The following LRRC53 variants were observed in gnomAD, a reference collection of about 807,000 sequenced individuals.
The protein encoded by LRRC53 is leucine-rich repeat-containing protein 53.
A neutral mutation model predicts 13.6 loss-of-function variants in LRRC53; 25 were observed. The observed-to-expected ratio is 1.83, with a 90% confidence interval of 1.34 to 2.56. The LOEUF (loss-of-function observed/expected upper bound fraction) is 2.56. LRRC53 is among the 30% of genes most tolerant of loss of function. LRRC53 has a pLI of 0.00. For synonymous variants in LRRC53, 204 were observed against 109.8 expected, an observed-to-expected ratio of 1.86 and a Z score of -5.37; for missense variants, 527 against 275.8, an observed-to-expected ratio of 1.91 and a Z score of -6.45.
At chr1:74,476,792 T>C (rs1300687519) in intron 3 of LRRC53, among the ~76,000 whole-genome samples, 2 of 152,160 alleles carry the variant, frequency 1.3e-5, no homozygotes, top group African/African-American at 4.8e-5. Flanking sequence ...GGCTACACCA[T>C]GTCTAGTTTT....
chr1:74,477,648 G>A (rs891775704), intron 3 of LRRC53, among the ~76,000 whole-genome samples: 3 of 152,160 alleles, frequency 2.0e-5, no homozygotes, highest in Non-Finnish European at 4.4e-5. Flanking sequence ...AATTGTGTCT[G>A]AATGGCAGGG....
chr1:74,473,128 T>A (rs950559012), intron 4 of LRRC53, among the ~76,000 whole-genome samples: 4 of 152,146 alleles, frequency 2.6e-5, no homozygotes, highest in African/African-American at 9.7e-5. Context: ...ATACCATTAA[T>A]TGAGCACATG....
chr1:74,486,702 T>C (rs1269744510), intron 1 of LRRC53, among the ~76,000 whole-genome samples: 1 of 151,646 alleles, frequency 6.6e-6, no homozygotes, highest in African/African-American at 2.4e-5. Context: ...TTTTAAAGGG[T>C]AAAGAGACTC....
intron 3 of LRRC53, among the ~76,000 whole-genome samples, chr1:74,476,759 A>G (rs1364161072): frequency 6.6e-6 from 1 of 152,170 alleles, no homozygotes; most frequent in Non-Finnish European, 1.5e-5. Flanking sequence ...GGAAATAAAG[A>G]CAGCATTCCA....
rs769499374 is a variant in LRRC53, at chr1:74,489,197, C to T, written c.-26-5822G>A. 86 of 1,610,164 alleles carry T rather than the reference C, an allele frequency of 5.3e-5. No individual in the cohort carries two copies. The highest frequency in any genetic ancestry group is 6.5e-5 in the Non-Finnish European group (77 of 1,178,342). Reference sequence around the variant, plus strand: ...CTTTTTTCTATTTACAGGGAAGACCCGAATTTTCTGAAGTTGTCATGAAGT... The same window carrying T: ...CTTTTTTCTATTTACAGGGAAGACCTGAATTTTCTGAAGTTGTCATGAAGT... On this transcript the variant is annotated intron_variant, in intron 1 of 4. Transcript: ENST00000294635.
chr1:74,507,256 T>A (rs1669955815), intron 1 of LRRC53, among the ~76,000 whole-genome samples: 1 of 126,130 alleles, frequency 7.9e-6, no homozygotes, highest in African/African-American at 2.8e-5. Flanking sequence ...CAAAAATACA[T>A]AAAGGATTCA....
chr1:74,498,466 CTCT>C (rs1219117512), intron 1 of LRRC53, among the ~76,000 whole-genome samples: 1 of 152,094 alleles, frequency 6.6e-6, no homozygotes, highest in African/African-American at 2.4e-5. Flanking sequence ...AACAGAAATT[CTCT>C]TCTTTTTTGT....
At chr1:74,534,724 T>A in the LRRC53 span, among the ~76,000 whole-genome samples, 1 of 120,206 alleles carries the variant, frequency 8.3e-6, no homozygotes, top group African/African-American at 2.5e-5. Flanking sequence ...ATGAATATTC[T>A]ACAGATTTCT....
At chr1:74,535,797 G>A in the LRRC53 span, among the ~76,000 whole-genome samples, 3 of 152,232 alleles carry the variant, frequency 2.0e-5, no homozygotes, top group South Asian at 4.1e-4. Context: ...GTCAGTTGTC[G>A]ATATTCAGTC....
Position 74,480,653 on chromosome 1 carries a change from C to A in LRRC53, c.404G>T (p.Arg135Leu), listed in dbSNP as rs879127983. The stretch of plus-strand genomic sequence containing the variant: ...AATCTGATTCCCATCCAGCTGGAGC[C>A]GGGTCAGGCCGCTTGTGTTTCGGAA... ...SWFRNTSGLT[R>L]LQLDGNQITN... is the part of the protein sequence containing the mutation. The change falls in exon 3 of 5, where the codon CGG becomes CTG. Residue 135 changes from arginine (R) to leucine (L), a missense_variant. Coordinates refer to ENST00000294635, the MANE Select transcript of LRRC53 (RefSeq NM_001382280.1). 2 of 717,256 alleles carry A rather than the reference C, an allele frequency of 2.8e-6. No individual in the cohort carries two copies. The highest frequency in any genetic ancestry group is 3.0e-5 in the South Asian group (2 of 67,586). 44.4% of individuals were successfully genotyped at this position (717,256 alleles called of 1,614,324 possible). A position where few individuals can be genotyped will look rare whatever the true frequency, so the allele number is the denominator to read the frequency against.
chr1:74,479,885 C>T (rs910201745), intron 3 of LRRC53, among the ~76,000 whole-genome samples: 1 of 152,216 alleles, frequency 6.6e-6, no homozygotes, highest in Non-Finnish European at 1.5e-5. Flanking sequence ...AGCAGGTTAA[C>T]CTGTTCAAGG....
chr1:74,510,733 G>T (rs184131131), intron 1 of LRRC53, among the ~76,000 whole-genome samples: 2 of 152,298 alleles, frequency 1.3e-5, no homozygotes, highest in Non-Finnish European at 2.9e-5. Flanking sequence ...AATATGGCTA[G>T]CATTGAAAAG....
chr1:74,488,374 G>T (rs2100289535), intron 1 of LRRC53, among the ~76,000 whole-genome samples: 1 of 152,260 alleles, frequency 6.6e-6, no homozygotes, highest in South Asian at 2.1e-4. Context: ...GGGAGAAATT[G>T]TTCTACTAAG....
At chr1:74,475,116 C>CACACACACACACA (rs1668125578) in intron 4 of LRRC53, among the ~76,000 whole-genome samples, 179 bp downstream of exon 4, 1 of 135,912 alleles carries the variant, frequency 7.4e-6, no homozygotes, top group East Asian at 2.3e-4. Context: ...CCACCTCAGC[C>CACACACACACACA]CACACACACA....
intron 1 of LRRC53, among the ~76,000 whole-genome samples, chr1:74,500,603 C>CAAAAAAA (rs561290319): frequency 9.2e-5 from 4 of 43,290 alleles, no homozygotes; most frequent in Non-Finnish European, 1.3e-4. Context: ...GACTCCGTCT[C>CAAAAAAA]AAAAAAAAAA....
intron 3 of LRRC53, among the ~76,000 whole-genome samples, chr1:74,478,954 G>C (rs1036131249): frequency 6.6e-6 from 1 of 152,174 alleles, no homozygotes; most frequent in Admixed American, 6.5e-5. Context: ...CCTTCCAAGT[G>C]AGTTGGATTA....
At chr1:74,494,301 C>CT (rs1221017072) in intron 1 of LRRC53, among the ~76,000 whole-genome samples, 25 of 152,196 alleles carry the variant, frequency 1.6e-4, no homozygotes, top group Admixed American at 3.9e-4. Context: ...GCAATTGTTG[C>CT]TTTTTTAGCT....
chr1:74,500,113 TA>T (rs1195253500), intron 1 of LRRC53, among the ~76,000 whole-genome samples: 7 of 151,980 alleles, frequency 4.6e-5, no homozygotes, highest in Admixed American at 1.3e-4. Flanking sequence ...TGAAAGATCT[TA>T]GACCATTTTA....
chr1:74,475,062 C>A (rs1464195509), intron 4 of LRRC53, among the ~76,000 whole-genome samples: 1 of 149,890 alleles, frequency 6.7e-6, no homozygotes, highest in East Asian at 2.0e-4. Context: ...TTTTAGCAGT[C>A]AGGAGATGCA....
Sources: gnomAD v4.1 joint callset for allele counts (sites outside exome capture counted in the v4.1 genomes callset) on GRCh38, gnomAD v4.1.1 for gene constraint, MANE v1.5 for transcripts, NCBI Gene and HGNC (gene_info 2026-07-23, HGNC 2026-07-21) for gene names.